SPOCK2: variants seen among roughly 807,000 people sequenced by gnomAD.
SPOCK2 encodes testican-2.
A neutral mutation model predicts 60.1 loss-of-function variants in SPOCK2; 39 were observed. The ratio of observed to expected loss-of-function variants is 0.65; its 90% CI spans 0.50 to 0.85. The LOEUF (loss-of-function observed/expected upper bound fraction) is 0.85, where lower values mean the gene tolerates loss of function less well. Among genes scored for constraint, SPOCK2 ranks in the 40% least tolerant of loss-of-function variants. The pLI is 0.00. For missense variants in SPOCK2, 523 were observed against 567.4 expected, an observed-to-expected ratio of 0.92 and a Z score of 0.80; for synonymous variants, 217 against 231.5, an observed-to-expected ratio of 0.94 and a Z score of 0.57.
At chr10:72,072,101 G>T in intron 4 of SPOCK2, 43 bp downstream of exon 4, 2 of 1,429,638 alleles carry the variant, frequency 1.4e-6, no homozygotes, top group South Asian at 3.1e-5. Flanking sequence ...CTTGCTCTTT[G>T]AACACACCCC....
chr10:72,070,922 T>A (rs909795126), intron 4 of SPOCK2, among the ~76,000 whole-genome samples: 1 of 152,192 alleles, frequency 6.6e-6, no homozygotes, highest in African/African-American at 2.4e-5. Context: ...TGGACCTGCA[T>A]TCCTACATAG....
At position 72,067,035 on chromosome 10, in the gene SPOCK2, C is replaced by T. The variant is rs779507722; in HGVS notation, c.795G>A (p.Leu265=). 1.2e-6 allele frequency: 2 copies of T among 1,614,218 alleles called. No homozygotes were observed. The highest frequency in any genetic ancestry group is 1.7e-5 in the Admixed American group (1 of 60,020). The change falls in exon 8 of 11, where the codon CTG becomes CTA. Residue 265 remains leucine (L), a synonymous_variant. Coordinates refer to ENST00000373109, the MANE Select transcript of SPOCK2 (RefSeq NM_001244950.2). ...TGATGGCGGCCAGCTCCGTCTGGTCCAGGAAGAGGTCAGCACTGGTGTCCA... is the reference window on the plus strand; with the variant it reads ...TGATGGCGGCCAGCTCCGTCTGGTCTAGGAAGAGGTCAGCACTGGTGTCCA... The part of the protein sequence containing the change: ...SKLDTSADLF[L]DQTELAAINL...
chr10:72,072,570 G>A (rs1429792464), intron 2 of SPOCK2, 22 bp from the exon 3 acceptor site: 10 of 1,613,738 alleles, frequency 6.2e-6, no homozygotes, highest in Non-Finnish European at 8.5e-6. Flanking sequence ...AGAGGGACAA[G>A]GGAGAAGGGA....
At position 72,087,505 on chromosome 10, in the gene SPOCK2, C is replaced by T. The variant is rs1371107513; in HGVS notation, c.189+635G>A. ...GAAAACCAGCCTGGGTCCTCGCGCG[C>T]CCTTCTGCACGGGGACCCCAGCCCA... On this transcript the variant is annotated intron_variant, in intron 1 of 10. Coordinates refer to ENST00000373109, the MANE Select transcript of SPOCK2 (RefSeq NM_001244950.2). The surrounding 1 kb of genome is among the most constrained non-coding windows in gnomAD (Gnocchi z 4.7). Among the ~76,000 whole-genome samples the T allele has an allele frequency of 2.0e-5, 3 of 152,198 alleles. No individual in the cohort carries two copies. The highest frequency in any genetic ancestry group is 7.2e-5 in the African/African-American group (3 of 41,448).
At chr10:72,071,359 T>C (rs573989807) in intron 4 of SPOCK2, among the ~76,000 whole-genome samples, 2 of 152,180 alleles carry the variant, frequency 1.3e-5, no homozygotes, top group South Asian at 2.1e-4. Flanking sequence ...CCAGCTAATT[T>C]TGTATTTTCA....
At chr10:72,086,567 G>C in intron 1 of SPOCK2, 9 of 1,141,270 alleles carry the variant, frequency 7.9e-6, no homozygotes, top group Non-Finnish European at 9.8e-6. Context: ...TGCTGTGGCC[G>C]GGCTGCTGCC....
intron 1 of SPOCK2, among the ~76,000 whole-genome samples, chr10:72,080,811 G>C (rs1840773672): frequency 1.3e-5 from 2 of 152,136 alleles, no homozygotes; most frequent in Admixed American, 6.5e-5. Context: ...TGCATGCCAG[G>C]AGCCGGGCTG....
Position 72,087,047 on chromosome 10 carries a change from G to A in SPOCK2, c.189+1093C>T. On this transcript the variant is annotated intron_variant, in intron 1 of 10. Transcript: ENST00000373109. The surrounding 1 kb of genome is among the most constrained non-coding windows in gnomAD (Gnocchi z 4.7). The stretch of plus-strand genomic sequence containing the variant: ...CTAGAAGAGGTTTTCTGGGGTCAGG[G>A]CCGCGGTGAGCACCAGGTCGCCAGG... 6.5e-7 allele frequency: 1 copy of A among 1,531,002 alleles called. No individual in the cohort carries two copies. The highest frequency in any genetic ancestry group is 1.4e-5 in the African/African-American group (1 of 72,438). 94.8% of individuals were successfully genotyped at this position (1,531,002 alleles called of 1,614,324 possible).
intron 4 of SPOCK2, among the ~76,000 whole-genome samples, chr10:72,071,684 T>A (rs1464999808): frequency 1.3e-5 from 2 of 152,234 alleles, no homozygotes; most frequent in Non-Finnish European, 2.9e-5. Context: ...TTTCCCTGCA[T>A]CCCACAGGGT....
Position 72,063,169 on chromosome 10 carries a change from G to A in SPOCK2, c.992-7C>T, listed in dbSNP as rs1396834505. 2 of 1,555,818 alleles carry A rather than the reference G, an allele frequency of 1.3e-6. No homozygotes were observed. The highest frequency in any genetic ancestry group is 2.4e-5 in the East Asian group (1 of 41,242). On this transcript the variant is annotated splice_region_variant and splice_polypyrimidine_tract_variant and intron_variant, in intron 9 of 10. Coordinates refer to ENST00000373109, the MANE Select transcript of SPOCK2 (RefSeq NM_001244950.2). ...CAGCTCGGGATGAAGATGCCTGAAT[G>A]AGACAGTGCCAGGCAGGGTCAGAGC...
upstream of SPOCK2, chr10:72,088,573 G>A: frequency 2.1e-6 from 1 of 472,128 alleles, no homozygotes; most frequent in Non-Finnish European, 3.7e-6. Flanking sequence ...GCCAGCAGGG[G>A]CTGTAACTGT....
chr10:72,088,818 C>A (rs1840902996), upstream of SPOCK2: 1 of 152,920 alleles, frequency 6.5e-6, no homozygotes, highest in South Asian at 2.1e-4. Flanking sequence ...CAGGATCTCC[C>A]CGGGGAAGAT....
At position 72,087,993 on chromosome 10, in the gene SPOCK2, C is replaced by G. The variant is rs1840886018; in HGVS notation, c.189+147G>C. ...AGGGGAGGGGCGCTGGGCTGTGACC[C>G]CCAGTACTGTTTACTTTCCGTGTAA... On this transcript the variant is annotated intron_variant, in intron 1 of 10. Coordinates refer to ENST00000373109, the MANE Select transcript of SPOCK2 (RefSeq NM_001244950.2). This position sits in a 1 kb window ranked among gnomAD's most constrained non-coding sequence, Gnocchi z 4.7. 9.4e-7 allele frequency: 1 copy of G among 1,059,310 alleles called. No homozygotes were observed. The highest frequency in any genetic ancestry group is 1.4e-6 in the Non-Finnish European group (1 of 732,722). The allele number at this position is 1,059,310 out of a possible 1,614,324, so 65.6% of individuals were successfully genotyped here.
Position 72,067,705 on chromosome 10 carries a change from T to A in SPOCK2, c.617A>T (p.Asp206Val). The A allele has an allele frequency of 6.2e-7, 1 of 1,613,680 alleles. No individual in the cohort carries two copies. The highest frequency in any genetic ancestry group is 8.5e-7 in the Non-Finnish European group (1 of 1,179,946). ...CCAGTCCCGCAGCCGATCTCCCAGG[T>A]CAGCCAGGTCCTGACCGGTGCAAGT... ...PETCTGQDLA[D>V]LGDRLRDWFQ... is the part of the protein sequence containing the mutation. Residue 206 changes from aspartate (D) to valine (V), a missense_variant, in exon 7 of 11, where the codon GAC (aspartate) becomes GTC (valine). Physicochemically the swap from Asp to Val is radical, Grantham distance 152 (BLOSUM62 -3). Coordinates refer to ENST00000373109, the MANE Select transcript of SPOCK2 (RefSeq NM_001244950.2).
At chr10:72,070,280 C>A (rs747502151) in intron 5 of SPOCK2, 32 bp downstream of exon 5, 53 of 1,607,020 alleles carry the variant, frequency 3.3e-5, no homozygotes, top group Non-Finnish European at 2.4e-5. Flanking sequence ...GGTGACTCCA[C>A]CCCCACCCTA....
rs1296282391 is a variant in SPOCK2, at chr10:72,062,695, AGTTGCCTGCTGCTG to A, written c.*51_*64del. On this transcript the variant is annotated 3_prime_UTR_variant, in exon 11 of 11. Transcript: ENST00000373109. This position sits in a 1 kb window ranked among gnomAD's most constrained non-coding sequence, Gnocchi z 4.3. ...ACTGCATTTCTGGATCCGTTCTCGA[AGTTGCCTGCTGCTG>A]CTCAGAGCTCTGCTGTTGAGTCCCC... The A allele has an allele frequency of 1.9e-6, 3 of 1,544,866 alleles. No homozygotes were observed. The highest frequency in any genetic ancestry group is 2.6e-6 in the Non-Finnish European group (3 of 1,155,450).
At chr10:72,080,790 T>C (rs1421609227) in intron 1 of SPOCK2, among the ~76,000 whole-genome samples, 1 of 152,012 alleles carries the variant, frequency 6.6e-6, no homozygotes, top group African/African-American at 2.4e-5. Context: ...AATGTGCATA[T>C]CATCACTCCC....
chr10:72,064,158 A>G lies in SPOCK2; in HGVS notation c.991+20T>C, dbSNP rs1330228582. 6.8e-6 allele frequency: 11 copies of G among 1,611,668 alleles called. No individual in the cohort carries two copies. Among genetic ancestry groups the G allele is most frequent in the Non-Finnish European group, 9.3e-6 (11 of 1,179,224 alleles). ...AGCCGTCCCCACCTCCTCCTCTGAG[A>G]GCCTGGTCTGGCCCCTCACCTGGCT... is the stretch of plus-strand genomic sequence containing the variant. On this transcript the variant is annotated intron_variant, in intron 9 of 10. Coordinates refer to ENST00000373109, the MANE Select transcript of SPOCK2 (RefSeq NM_001244950.2).
chr10:72,064,157 G>C, intron 9 of SPOCK2, 21 bp downstream of exon 9: 1 of 1,611,548 alleles, frequency 6.2e-7, no homozygotes, highest in East Asian at 2.2e-5. Context: ...CCTCCTCTGA[G>C]AGCCTGGTCT....
Sources: allele counts gnomAD v4.1 joint callset (sites outside exome capture counted in the v4.1 genomes callset), GRCh38; gene constraint gnomAD v4.1.1; non-coding constraint Gnocchi (gnomAD v3.1); transcripts MANE v1.5; gene names NCBI Gene and HGNC (gene_info 2026-07-23, HGNC 2026-07-21).